Variants in PTAFR observed in about 807,000 individuals in gnomAD.
The protein encoded by PTAFR is platelet-activating factor receptor.
In PTAFR, 8 loss-of-function variants were observed where a neutral mutation model predicts 14.7. The ratio of observed to expected loss-of-function variants is 0.54; its 90% confidence interval spans 0.32 to 0.98. The LOEUF is 0.98. Ranked by LOEUF, PTAFR falls within the 50% of genes least tolerant of loss-of-function variation. PTAFR has a pLI of 0.04. For missense variants in PTAFR, 337 were observed against 451.2 expected, an observed-to-expected ratio of 0.75 and a Z score of 2.29; for synonymous variants, 156 against 176.5, an observed-to-expected ratio of 0.88 and a Z score of 0.92.
chr1:28,185,621 G>A (rs1201492271), intron 1 of PTAFR, among the ~76,000 whole-genome samples: 1 of 152,096 alleles, frequency 6.6e-6, no homozygotes, highest in Non-Finnish European at 1.5e-5. Flanking sequence ...CTTCAAGCCT[G>A]TTTTCTAATT....
intron 1 of PTAFR, among the ~76,000 whole-genome samples, chr1:28,192,131 C>G (rs1194631339): frequency 1.3e-5 from 2 of 151,810 alleles, no homozygotes; most frequent in African/African-American, 4.8e-5. Context: ...CCAGACTCAC[C>G]TAAGTTTAAA....
intron 1 of PTAFR, among the ~76,000 whole-genome samples, chr1:28,183,191 T>C (rs1386406798): frequency 6.6e-6 from 1 of 152,164 alleles, no homozygotes; most frequent in Non-Finnish European, 1.5e-5. Flanking sequence ...TGTTAAGTGC[T>C]GTATCTCATT....
In PTAFR at chr1:28,148,027, C is replaced by G. The variant is rs954711864; in HGVS notation, c.*1966G>C. 6.6e-6 allele frequency: 1 copy of G among 152,362 alleles called. No homozygotes were observed. The highest frequency in any genetic ancestry group is 1.5e-5 in the Non-Finnish European group (1 of 68,098). 9.4% of individuals were successfully genotyped at this position (152,362 alleles called of 1,614,324 possible). On this transcript the variant is annotated 3_prime_UTR_variant, in exon 2 of 2. Coordinates refer to ENST00000373857, the MANE Select transcript of PTAFR (RefSeq NM_000952.5). ...AGAGGCATTTCTCAAAATCAGCAAT[C>G]CGGTGTTTGCCCGGTACACAGGAAA...
chr1:28,161,808 A>AG (rs1339136338), intron 1 of PTAFR, among the ~76,000 whole-genome samples: 7 of 152,202 alleles, frequency 4.6e-5, no homozygotes, highest in Non-Finnish European at 8.8e-5. Context: ...GTATCTTCAA[A>AG]GGGGGGCCCT....
chr1:28,175,947 C>T (rs1384701389), intron 1 of PTAFR, among the ~76,000 whole-genome samples: 2 of 152,008 alleles, frequency 1.3e-5, no homozygotes, highest in Non-Finnish European at 2.9e-5. Context: ...ACCACCATCA[C>T]CACCTCCCAG....
chr1:28,186,886 T>C (rs978352587), intron 1 of PTAFR, among the ~76,000 whole-genome samples: 3 of 151,970 alleles, frequency 2.0e-5, no homozygotes, highest in African/African-American at 7.2e-5. Context: ...GATCGTGCCA[T>C]TGCACTCCAG....
intron 1 of PTAFR, among the ~76,000 whole-genome samples, chr1:28,152,717 T>C (rs1419105801): frequency 6.6e-6 from 1 of 152,134 alleles, no homozygotes; most frequent in Non-Finnish European, 1.5e-5. Flanking sequence ...CACCCCAGTC[T>C]GGGCAGGAAG....
At chr1:28,181,125 G>A (rs1479327272), upstream of PTAFR, among the ~76,000 whole-genome samples, 1 of 152,084 alleles carries the variant, frequency 6.6e-6, no homozygotes, top group Non-Finnish European at 1.5e-5. Flanking sequence ...TGGGATTACA[G>A]GTGTGAGCAC....
chr1:28,188,536 C>T (rs564337018), intron 1 of PTAFR, among the ~76,000 whole-genome samples: 2 of 152,170 alleles, frequency 1.3e-5, no homozygotes, highest in Admixed American at 6.5e-5. Flanking sequence ...GTCAGGAATT[C>T]GAGACCAGCA....
intron 1 of PTAFR, among the ~76,000 whole-genome samples, chr1:28,166,247 A>T (rs953089019): frequency 6.6e-6 from 1 of 152,230 alleles, no homozygotes; most frequent in African/African-American, 2.4e-5. Flanking sequence ...GGAAAGATGG[A>T]TATCCACATG....
intron 1 of PTAFR, among the ~76,000 whole-genome samples, chr1:28,172,685 C>G (rs1646464865): frequency 6.6e-6 from 1 of 152,160 alleles, no homozygotes; most frequent in Admixed American, 6.5e-5. Context: ...ATGCACTAAG[C>G]CAGCTACACA....
intron 1 of PTAFR, among the ~76,000 whole-genome samples, chr1:28,192,997 G>T (rs1318832762): frequency 6.6e-6 from 1 of 152,148 alleles, no homozygotes; most frequent in Non-Finnish European, 1.5e-5. Flanking sequence ...GTGCGGCTGG[G>T]ACCCCCGGCT....
At chr1:28,169,460 C>A (rs1489765108) in intron 1 of PTAFR, among the ~76,000 whole-genome samples, 3 of 152,184 alleles carry the variant, frequency 2.0e-5, no homozygotes, top group Admixed American at 6.5e-5. Context: ...ACATCTCTTT[C>A]ATCAAGCGAA....
chr1:28,154,081 G>GAAAAAAAAAAAAAAAAAA (rs71586829), intron 1 of PTAFR, among the ~76,000 whole-genome samples: 3 of 55,506 alleles, frequency 5.4e-5, no homozygotes, highest in Non-Finnish European at 6.7e-5. Context: ...CCTTGTCTCA[G>GAAAAAAAAAAAAAAAAAA]AAAAAAAAAA....
intron 1 of PTAFR, among the ~76,000 whole-genome samples, chr1:28,152,323 C>A (rs778747747): frequency 2.6e-5 from 4 of 152,128 alleles, no homozygotes; most frequent in African/African-American, 7.2e-5. Flanking sequence ...ACTGTCTGCC[C>A]AGGCATGATG....
chr1:28,166,841 G>A (rs1279192317), intron 1 of PTAFR, among the ~76,000 whole-genome samples: 1 of 152,082 alleles, frequency 6.6e-6, no homozygotes, highest in Admixed American at 6.6e-5. Context: ...AGCTGAGCAC[G>A]ATGGCATGCA....
chr1:28,153,229 A>G (rs896562238), intron 1 of PTAFR, among the ~76,000 whole-genome samples: 1 of 152,314 alleles, frequency 6.6e-6, no homozygotes, highest in East Asian at 1.9e-4. Context: ...TGACCAGCCT[A>G]GACAACATAG....
chr1:28,157,413 C>T (rs1372796019), intron 1 of PTAFR, among the ~76,000 whole-genome samples: 3 of 152,090 alleles, frequency 2.0e-5, no homozygotes, highest in Admixed American at 2.0e-4. Flanking sequence ...GTGATCCGCC[C>T]GCCTCGGCCT....
At chr1:28,182,732 G>A (rs1191731745) in intron 1 of PTAFR, among the ~76,000 whole-genome samples, 2 of 152,088 alleles carry the variant, frequency 1.3e-5, no homozygotes, top group Non-Finnish European at 2.9e-5. Flanking sequence ...CCAGGCTGGA[G>A]CGCAACGGCA....
Sources: gnomAD v4.1 joint callset for allele counts (sites outside exome capture counted in the v4.1 genomes callset) on GRCh38, gnomAD v4.1.1 for gene constraint, MANE v1.5 for transcripts, NCBI Gene and HGNC (gene_info 2026-07-23, HGNC 2026-07-21) for gene names.